Variants in HOOK3 observed in about 807,000 individuals in gnomAD.
HOOK3 encodes hook microtubule tethering protein 3, also known as protein Hook homolog 3.
HOOK3 carries 24 observed loss-of-function variants against 116.3 expected under a neutral mutation model. The ratio of observed to expected loss-of-function variants is 0.21; its 90% CI spans 0.15 to 0.29. The LOEUF is 0.29. HOOK3 is among the 10% of genes least tolerant of loss of function. The probability of loss-of-function intolerance (pLI) is 1.00; values close to 1 mark genes in which losing one functional copy is unlikely to be tolerated. For missense variants in HOOK3, 632 were observed against 830.2 expected (o/e 0.76, Z 2.93); for synonymous variants, 275 against 283.0 (o/e 0.97, Z 0.28).
chr8:43,006,342 TCTCA>T (rs1391511379), intron 17 of HOOK3, among the ~76,000 whole-genome samples: 1 of 149,230 alleles, frequency 6.7e-6, no homozygotes, highest in Non-Finnish European at 1.5e-5. Flanking sequence ...TGAGACGGAG[TCTCA>T]CTCTGTTGCC....
intron 21 of HOOK3, among the ~76,000 whole-genome samples, chr8:43,016,849 G>A (rs902889159): frequency 2.0e-5 from 3 of 152,054 alleles, no homozygotes; most frequent in Non-Finnish European, 4.4e-5. Context: ...ATGTATTTGG[G>A]TTGATAGAAT....
chr8:42,941,242 G>A (rs1011959005), intron 4 of HOOK3, among the ~76,000 whole-genome samples: 357 of 149,690 alleles, frequency 2.4e-3, no homozygotes, highest in African/African-American at 8.4e-3. Context: ...CCGGCTGGGC[G>A]CAGTGGCTCA....
At chr8:42,941,511 C>G (rs1808123941) in intron 4 of HOOK3, among the ~76,000 whole-genome samples, 1 of 136,268 alleles carries the variant, frequency 7.3e-6, no homozygotes, top group Non-Finnish European at 1.6e-5. Context: ...GAGCGAGACT[C>G]CGTCTCAAAA....
At chr8:42,919,502 G>GCGGC (rs1807606982) in intron 2 of HOOK3, among the ~76,000 whole-genome samples, 1 of 152,050 alleles carries the variant, frequency 6.6e-6, no homozygotes, top group Non-Finnish European at 1.5e-5. Flanking sequence ...CAGACGATGG[G>GCGGC]CGGCCAGGCA....
chr8:42,958,121 C>A (rs1184584248), intron 7 of HOOK3, among the ~76,000 whole-genome samples: 1 of 152,100 alleles, frequency 6.6e-6, no homozygotes, highest in Non-Finnish European at 1.5e-5. Flanking sequence ...CGTGAGCCAC[C>A]GCGCCCCGCC....
At chr8:42,994,280 T>TTATAACTG (rs76810499) in intron 15 of HOOK3, among the ~76,000 whole-genome samples, 7,264 of 152,312 alleles carry the variant, frequency 0.048, 226 homozygotes, top group South Asian at 0.085. Flanking sequence ...CCTCCCAAAG[T>TTATAACTG]GCTGGGGTTA....
Position 43,027,405 on chromosome 8 carries a change from T to C in HOOK3, c.*8907T>C. 1 of 336,444 alleles carries C rather than the reference T, an allele frequency of 3.0e-6. No homozygotes were observed. Among genetic ancestry groups the C allele is most frequent in the Non-Finnish European group, 5.5e-6 (1 of 181,562 alleles). The allele number at this position is 336,444 out of a possible 1,614,324, so 20.8% of individuals were successfully genotyped here. A position where few individuals can be genotyped will look rare whatever the true frequency, so the allele number is the denominator to read the frequency against. On this transcript the variant is annotated 3_prime_UTR_variant, in exon 22 of 22. Transcript: ENST00000307602. ...ATAGAGAGATTTGCTTATGAGAACA[T>C]TCTGTCATTTGTTCTGTTTGTAGAT...
intron 1 of HOOK3, among the ~76,000 whole-genome samples, chr8:42,901,839 G>A (rs1807196128): frequency 6.6e-6 from 1 of 151,930 alleles, no homozygotes; most frequent in African/African-American, 2.4e-5. Flanking sequence ...CTCCCTAGTA[G>A]CTGGGATTAC....
intron 9 of HOOK3, among the ~76,000 whole-genome samples, chr8:42,965,569 G>A (rs1428338262): frequency 6.6e-6 from 1 of 152,106 alleles, no homozygotes; most frequent in Non-Finnish European, 1.5e-5. Context: ...AGAGTATGAT[G>A]AAAATATTTT....
chr8:43,003,474 T>C (rs1809415452), intron 17 of HOOK3, among the ~76,000 whole-genome samples: 1 of 152,166 alleles, frequency 6.6e-6, no homozygotes, highest in Non-Finnish European at 1.5e-5. Flanking sequence ...TGGCAAAAAA[T>C]ATAATACCTG....
chr8:42,937,485 G>A (rs1807995499), intron 4 of HOOK3, among the ~76,000 whole-genome samples: 1 of 151,868 alleles, frequency 6.6e-6, no homozygotes, highest in African/African-American at 2.4e-5. Context: ...TGATGTTAGG[G>A]TGTCGATTTC....
At chr8:42,951,357 C>T (rs1232650447) in intron 6 of HOOK3, among the ~76,000 whole-genome samples, 1 of 152,194 alleles carries the variant, frequency 6.6e-6, no homozygotes, top group Non-Finnish European at 1.5e-5. Context: ...CCACGGCGCC[C>T]GGCCAAATAA....
intron 15 of HOOK3, among the ~76,000 whole-genome samples, 174 bp from the exon 16 acceptor site, chr8:42,997,376 A>G (rs960946797): frequency 3.3e-5 from 5 of 152,250 alleles, no homozygotes; most frequent in African/African-American, 1.2e-4. Context: ...AGCAATACCA[A>G]AAATAATCAG....
At chr8:42,908,877 A>G (rs1273101503) in intron 2 of HOOK3, among the ~76,000 whole-genome samples, 1 of 152,222 alleles carries the variant, frequency 6.6e-6, no homozygotes, top group Non-Finnish European at 1.5e-5. Context: ...GAGACAAACT[A>G]CAGATTGGGA....
chr8:42,918,514 A>C (rs188619018), intron 2 of HOOK3, among the ~76,000 whole-genome samples: 3 of 152,176 alleles, frequency 2.0e-5, no homozygotes, highest in Admixed American at 2.0e-4. Flanking sequence ...AGTGGAGGGA[A>C]GGTCAACAGA....
intron 21 of HOOK3, among the ~76,000 whole-genome samples, chr8:43,014,364 A>G (rs1182535708): frequency 6.8e-6 from 1 of 147,018 alleles, no homozygotes; most frequent in African/African-American, 2.5e-5. Context: ...TTATTTATTT[A>G]TTTTTGAGAT....
chr8:42,950,148 G>A (rs1001028390), intron 5 of HOOK3, among the ~76,000 whole-genome samples: 3 of 152,070 alleles, frequency 2.0e-5, no homozygotes, highest in South Asian at 2.1e-4. Flanking sequence ...TTCCATTCTC[G>A]TGACCTGTAG....
rs149909993 is a variant in HOOK3 at position 42,975,866 on chromosome 8, C to T, written c.1321+1672C>T. On this transcript the variant is annotated intron_variant, in intron 13 of 21. Transcript: ENST00000307602. ...GACTACAGGGGTGTGCCACCACGCC[C>T]GGCTAATTTTTTGTATTTTTAGTAG... Among the ~76,000 whole-genome samples, 256 of 152,136 alleles carry T rather than the reference C, an allele frequency of 1.7e-3. 2 individuals are homozygous for T. The East Asian group carries it at 0.022, about 13-fold the overall frequency.
At chr8:43,017,694 C>T (rs561574748) in intron 21 of HOOK3, among the ~76,000 whole-genome samples, 115 of 152,310 alleles carry the variant, frequency 7.6e-4, no homozygotes, top group Non-Finnish European at 1.4e-3. Context: ...TGTCATTCCT[C>T]CGCAGTCAGG....
Sources: gnomAD v4.1 joint callset for allele counts (sites outside exome capture counted in the v4.1 genomes callset) on GRCh38, gnomAD v4.1.1 for gene constraint, MANE v1.5 for transcripts, NCBI Gene and HGNC (gene_info 2026-07-23, HGNC 2026-07-21) for gene names.